The following DEFB134 variants were observed in gnomAD, a reference collection of about 807,000 sequenced individuals.
DEFB134 encodes beta-defensin 134.
DEFB134 carries 7 observed loss-of-function variants against 7.4 expected under a neutral mutation model. That is an observed-to-expected ratio of 0.95 (90% confidence interval 0.54 to 1.79). The LOEUF (loss-of-function observed/expected upper bound fraction) is 1.79, where lower values mean the gene tolerates loss of function less well. Among genes scored for constraint, DEFB134 ranks in the 40% most tolerant of loss-of-function variants. The pLI is 0.00. For missense variants in DEFB134, 105 were observed against 74.8 expected, an observed-to-expected ratio of 1.40 and a Z score of -1.49; for synonymous variants, 33 against 25.0, an observed-to-expected ratio of 1.32 and a Z score of -0.96.
At chr8:11,994,651 A>G (rs1697854395) in intron 1 of DEFB134, among the ~76,000 whole-genome samples, 1 of 152,234 alleles carries the variant, frequency 6.6e-6, no homozygotes, top group Admixed American at 6.5e-5. Context: ...TGAATTTGTC[A>G]ATGAATATAA....
upstream of DEFB134, among the ~76,000 whole-genome samples, chr8:11,997,400 G>A (rs76581369): frequency 0.012 from 1,762 of 152,282 alleles, 38 homozygotes; most frequent in African/African-American, 0.039. Context: ...TCATGGTATG[G>A]ATATATGCTT....
At chr8:12,000,345 C>G (rs2150562174), upstream of DEFB134, among the ~76,000 whole-genome samples, 1 of 152,150 alleles carries the variant, frequency 6.6e-6, no homozygotes, top group Middle Eastern at 3.4e-3. Context: ...CATTTTACAC[C>G]AGTATTGGGC....
chr8:12,000,613 ATAAC>A (rs891810604), upstream of DEFB134, among the ~76,000 whole-genome samples: 28 of 151,430 alleles, frequency 1.8e-4, no homozygotes, highest in African/African-American at 3.9e-4. Flanking sequence ...TTTAATAACA[ATAAC>A]TAATAATAAA....
exon 2 of DEFB134, chr8:11,993,938 T>A (rs1305180796): frequency 6.3e-7 from 1 of 1,594,808 alleles, no homozygotes; most frequent in Non-Finnish European, 8.5e-7. Flanking sequence ...GATGGCAGAA[T>A]CAAGGGCCTA....
upstream of DEFB134, among the ~76,000 whole-genome samples, chr8:11,997,881 T>G (rs1800167541): frequency 6.6e-6 from 1 of 152,160 alleles, no homozygotes; most frequent in Non-Finnish European, 1.5e-5. Flanking sequence ...TTAACAGACA[T>G]CTATGGAGCA....
upstream of DEFB134, among the ~76,000 whole-genome samples, chr8:11,999,719 C>T (rs1437358419): frequency 6.6e-6 from 1 of 152,192 alleles, no homozygotes; most frequent in South Asian, 2.1e-4. Context: ...ATCTAGACCT[C>T]CCCTGGCTCA....
upstream of DEFB134, among the ~76,000 whole-genome samples, chr8:12,000,177 T>A (rs1585095410): frequency 1.3e-5 from 2 of 152,244 alleles, no homozygotes; most frequent in Non-Finnish European, 2.9e-5. Flanking sequence ...GCAGCTTCTG[T>A]ATCCTCTGTG....
At chr8:11,997,935 A>G (rs550451599), upstream of DEFB134, among the ~76,000 whole-genome samples, 17 of 152,348 alleles carry the variant, frequency 1.1e-4, no homozygotes, top group Admixed American at 1.0e-3. Context: ...TCATCTGTAC[A>G]TGGCACATAC....
intron 1 of DEFB134, among the ~76,000 whole-genome samples, chr8:11,995,946 G>A (rs552644864): frequency 8.4e-6 from 1 of 119,086 alleles, no homozygotes; most frequent in Non-Finnish European, 1.7e-5. Context: ...CATTGGTGCG[G>A]ATCAGTTCAG....
At chr8:11,999,637 C>G (rs1800219858), upstream of DEFB134, among the ~76,000 whole-genome samples, 1 of 152,108 alleles carries the variant, frequency 6.6e-6, no homozygotes, top group Non-Finnish European at 1.5e-5. Flanking sequence ...AATATCAGAA[C>G]AGGACAGCCT....
upstream of DEFB134, among the ~76,000 whole-genome samples, chr8:11,998,712 T>C (rs1006879320): frequency 2.6e-5 from 4 of 151,812 alleles, no homozygotes; most frequent in East Asian, 1.9e-4. Context: ...CTGAATGAAA[T>C]AGAGACATGA....
At chr8:11,996,164 C>T in intron 1 of DEFB134, 30 bp downstream of exon 2, 1 of 1,612,862 alleles carries the variant, frequency 6.2e-7, no homozygotes, top group South Asian at 1.1e-5. Context: ...ATATGAAGCA[C>T]CCCTACCCCC....
chr8:12,000,295 A>T (rs184245587), upstream of DEFB134, among the ~76,000 whole-genome samples: 1 of 152,214 alleles, frequency 6.6e-6, no homozygotes, highest in African/African-American at 2.4e-5. Context: ...CTCTGATTAG[A>T]CTGTGAAATC....
At chr8:11,993,869 A>G (rs1296830634) in exon 2 of DEFB134, 5 of 1,392,144 alleles carry the variant, frequency 3.6e-6, no homozygotes, top group Non-Finnish European at 4.8e-6. Flanking sequence ...GCTAAAAACC[A>G]GTAGTCATGG....
upstream of DEFB134, among the ~76,000 whole-genome samples, chr8:11,998,718 C>T (rs1800190414): frequency 6.6e-6 from 1 of 152,098 alleles, no homozygotes; most frequent in East Asian, 1.9e-4. Context: ...GAAATAGAGA[C>T]ATGAACCCAT....
upstream of DEFB134, chr8:11,996,370 G>T: frequency 9.1e-7 from 1 of 1,099,538 alleles, no homozygotes; most frequent in Non-Finnish European, 1.3e-6. Flanking sequence ...GGTATGCCTC[G>T]CTTCAGGTAG....
chr8:11,999,364 C>T (rs1238039502), upstream of DEFB134: 1 of 214,554 alleles, frequency 4.7e-6, no homozygotes, highest in Non-Finnish European at 1.0e-5. Flanking sequence ...ACTGGCATTG[C>T]CCATGCAAAG....
At chr8:12,000,073 C>T (rs1164205951), upstream of DEFB134, among the ~76,000 whole-genome samples, 3 of 152,144 alleles carry the variant, frequency 2.0e-5, no homozygotes, top group Non-Finnish European at 2.9e-5. Context: ...CCTGTCTGAC[C>T]CTGAGCCATA....
exon 2 of DEFB134, chr8:11,993,191 T>C (rs1314565490): frequency 1.3e-5 from 2 of 152,228 alleles, no homozygotes; most frequent in African/African-American, 4.8e-5. Flanking sequence ...AGGCAGTTTA[T>C]TAGTTACACA....
Sources: allele counts gnomAD v4.1 joint callset (sites outside exome capture counted in the v4.1 genomes callset), GRCh38; gene constraint gnomAD v4.1.1; transcripts MANE v1.5; gene names NCBI Gene and HGNC (gene_info 2026-07-23, HGNC 2026-07-21).